Variants in PLXNA4 observed in about 807,000 individuals in gnomAD.
PLXNA4 encodes the protein plexin A4, also known as plexin-A4.
PLXNA4 carries 44 observed loss-of-function variants against 191.8 expected under a neutral mutation model. The ratio of observed to expected loss-of-function variants is 0.23; its 90% confidence interval spans 0.18 to 0.29. PLXNA4 has a LOEUF of 0.29. Among genes scored for constraint, PLXNA4 ranks in the 10% least tolerant of loss-of-function variants. PLXNA4 has a pLI of 1.00. For synonymous variants in PLXNA4, 1,082 were observed against 1,009.5 expected, an observed-to-expected ratio of 1.07 and a Z score of -1.36; for missense variants, 1,800 against 2,488.8, an observed-to-expected ratio of 0.72 and a Z score of 5.89.
chr7:132,325,925 C>T (rs1299700720), intron 3 of PLXNA4, among the ~76,000 whole-genome samples: 1 of 152,164 alleles, frequency 6.6e-6, no homozygotes, highest in Non-Finnish European at 1.5e-5. Flanking sequence ...ACACAGTAGC[C>T]CTTCCTACCC....
At chr7:132,203,165 C>T (rs1456787396) in intron 11 of PLXNA4, among the ~76,000 whole-genome samples, 158 bp downstream of exon 11, 2 of 152,154 alleles carry the variant, frequency 1.3e-5, no homozygotes, top group Non-Finnish European at 2.9e-5. Flanking sequence ...CCTAGAAGCA[C>T]AGATGGTGGA....
intron 3 of PLXNA4, among the ~76,000 whole-genome samples, chr7:132,455,016 T>C (rs1429854876): frequency 6.6e-6 from 1 of 150,888 alleles, no homozygotes; most frequent in Non-Finnish European, 1.5e-5. Context: ...GTTCTGTGTA[T>C]CCCTGCACTG....
chr7:132,372,109 C>A (rs1290395143), intron 3 of PLXNA4, among the ~76,000 whole-genome samples: 1 of 152,200 alleles, frequency 6.6e-6, no homozygotes, highest in African/African-American at 2.4e-5. Context: ...TCAAGGTGGT[C>A]AGGCACATGA....
chr7:132,533,931 T>A (rs1475534646), intron 1 of PLXNA4, among the ~76,000 whole-genome samples: 1 of 150,344 alleles, frequency 6.7e-6, no homozygotes. Context: ...ATTACTATTA[T>A]TATTATTATT....
chr7:132,377,535 C>T (rs1804710117), intron 3 of PLXNA4, among the ~76,000 whole-genome samples: 1 of 152,184 alleles, frequency 6.6e-6, no homozygotes, highest in Admixed American at 6.5e-5. Flanking sequence ...GACATCCTCT[C>T]CCATCTCTGT....
intron 3 of PLXNA4, among the ~76,000 whole-genome samples, chr7:132,488,643 G>A (rs1010535836): frequency 3.3e-5 from 5 of 152,160 alleles, no homozygotes; most frequent in South Asian, 4.1e-4. Flanking sequence ...ATCCCTGGGC[G>A]GATGACTGCT....
At chr7:132,388,805 A>T (rs1805271602) in intron 3 of PLXNA4, among the ~76,000 whole-genome samples, 1 of 152,228 alleles carries the variant, frequency 6.6e-6, no homozygotes, top group African/African-American at 2.4e-5. Flanking sequence ...GGCTCATGCC[A>T]GCCCTCCCTT....
At chr7:132,148,304 G>T (rs1247974774) in intron 26 of PLXNA4, among the ~76,000 whole-genome samples, 1 of 152,212 alleles carries the variant, frequency 6.6e-6, no homozygotes, top group African/African-American at 2.4e-5. Flanking sequence ...TCTCAGGAGA[G>T]CCTTCCCTGG....
chr7:132,502,435 G>A (rs1196066158), intron 2 of PLXNA4, among the ~76,000 whole-genome samples: 1 of 152,208 alleles, frequency 6.6e-6, no homozygotes, highest in Non-Finnish European at 1.5e-5. Flanking sequence ...GTAAACTCCA[G>A]AGTCAGGTGG....
At chr7:132,454,085 C>T (rs1796227352) in intron 3 of PLXNA4, among the ~76,000 whole-genome samples, 2 of 152,208 alleles carry the variant, frequency 1.3e-5, no homozygotes, top group African/African-American at 4.8e-5. Flanking sequence ...GTCATCACCA[C>T]ACTTTCCTGT....
At chr7:132,174,104 T>C (rs541974989) in intron 21 of PLXNA4, among the ~76,000 whole-genome samples, 1 of 152,366 alleles carries the variant, frequency 6.6e-6, no homozygotes, top group South Asian at 2.1e-4. Context: ...TGATTATTCC[T>C]CAGGATTATT....
chr7:132,148,743 G>T (rs1795507968), intron 25 of PLXNA4, 97 bp from the exon 26 acceptor site: 4 of 1,544,854 alleles, frequency 2.6e-6, no homozygotes, highest in Non-Finnish European at 3.5e-6. Context: ...GCTAGCTCAA[G>T]GGTGTGTCCA....
chr7:132,271,113 C>T (rs1398790099), intron 4 of PLXNA4: 1 of 152,064 alleles, frequency 6.6e-6, no homozygotes, highest in African/African-American at 2.4e-5. Context: ...CCCCCCACAG[C>T]AACAATAATA....
intron 3 of PLXNA4, among the ~76,000 whole-genome samples, chr7:132,418,384 A>C (rs1226551377): frequency 6.6e-6 from 1 of 152,176 alleles, no homozygotes; most frequent in Non-Finnish European, 1.5e-5. Context: ...ATCAGGATTG[A>C]AACTTTCTGC....
At chr7:132,579,344 A>G (rs1281754622), upstream of PLXNA4, among the ~76,000 whole-genome samples, 1 of 151,640 alleles carries the variant, frequency 6.6e-6, no homozygotes, top group Non-Finnish European at 1.5e-5. Flanking sequence ...TGAGAAAACA[A>G]CTCTGTCTCA....
rs376987848 is a variant in PLXNA4, at chr7:132,198,622, T to C, written c.2601A>G (p.Thr867=). 37 of 1,614,142 alleles carry C rather than the reference T, an allele frequency of 2.3e-5. No individual in the cohort carries two copies. In the African/African-American group the frequency reaches 4.5e-4, roughly 20 times the overall value. The change falls in exon 13 of 32, where the codon ACA becomes ACG. Residue 867 remains threonine (T), a synonymous_variant. Coordinates refer to ENST00000321063, the MANE Select transcript of PLXNA4 (RefSeq NM_020911.2). Reference sequence around the variant, plus strand: ...CCTTGGTGCCCCCTTCCCGGGGGCCTGTCACCGGGATTATCTGGAGGGAGG... The same window carrying C: ...CCTTGGTGCCCCCTTCCCGGGGGCCCGTCACCGGGATTATCTGGAGGGAGG... The part of the protein sequence containing the change: ...NPRITEIIPV[T]GPREGGTKVT...
chr7:132,250,409 C>T (rs1004109523), intron 4 of PLXNA4, among the ~76,000 whole-genome samples: 15 of 152,216 alleles, frequency 9.9e-5, no homozygotes, highest in African/African-American at 3.4e-4. Flanking sequence ...TACACTTGTA[C>T]GTGTTCCAAG....
intron 3 of PLXNA4, among the ~76,000 whole-genome samples, chr7:132,480,047 T>G (rs1797279104): frequency 6.6e-6 from 1 of 152,170 alleles, no homozygotes; most frequent in Non-Finnish European, 1.5e-5. Flanking sequence ...TCAATCATAC[T>G]ATTACCCCAA....
At chr7:132,166,889 G>A (rs543553417) in intron 22 of PLXNA4, among the ~76,000 whole-genome samples, 1 of 152,280 alleles carries the variant, frequency 6.6e-6, no homozygotes, top group South Asian at 2.1e-4. Flanking sequence ...GCTCTTATAT[G>A]CAGCAGACTT....
Sources: gnomAD v4.1 joint callset for allele counts (sites outside exome capture counted in the v4.1 genomes callset) on GRCh38, gnomAD v4.1.1 for gene constraint, MANE v1.5 for transcripts, NCBI Gene and HGNC (gene_info 2026-07-23, HGNC 2026-07-21) for gene names.